Variants in HSDL2 observed in about 807,000 individuals in gnomAD.
The protein encoded by HSDL2 is hydroxysteroid dehydrogenase like 2.
In HSDL2, 27 loss-of-function variants were observed where a neutral mutation model predicts 46.3. The ratio of observed to expected loss-of-function variants is 0.58; its 90% CI spans 0.43 to 0.80. The LOEUF is 0.80. Among genes scored for constraint, HSDL2 ranks in the 30% least tolerant of loss-of-function variants. The pLI, the probability that HSDL2 is intolerant of heterozygous loss-of-function variation, is 0.00. For synonymous variants in HSDL2, 153 were observed against 163.6 expected, an observed-to-expected ratio of 0.94 and a Z score of 0.50; for missense variants, 451 against 502.7, an observed-to-expected ratio of 0.90 and a Z score of 0.98.
chr9:112,384,053 C>G (rs1178723038), intron 1 of HSDL2, among the ~76,000 whole-genome samples: 1 of 152,182 alleles, frequency 6.6e-6, no homozygotes, highest in Non-Finnish European at 1.5e-5. Flanking sequence ...TGTGGGAAAG[C>G]TAGTTCCCAC....
intron 1 of HSDL2, among the ~76,000 whole-genome samples, chr9:112,391,633 T>C (rs569924194): frequency 4.2e-4 from 64 of 152,116 alleles, no homozygotes; most frequent in African/African-American, 1.5e-3. Flanking sequence ...CAGCCAGGCT[T>C]GGTGGCTCAT....
At chr9:112,404,535 TA>T (rs112597809) in intron 2 of HSDL2, among the ~76,000 whole-genome samples, 2,051 of 144,018 alleles carry the variant, frequency 0.014, 20 homozygotes, top group African/African-American at 0.021. Flanking sequence ...CTCCATCTCT[TA>T]AAAAAAAAAA....
Position 112,470,509 on chromosome 9 carries a change from G to C in HSDL2, c.1222G>C (p.Glu408Gln). 1.2e-6 allele frequency: 2 copies of C among 1,610,084 alleles called. No homozygotes were observed. Among genetic ancestry groups the C allele is most frequent in the East Asian group, 2.2e-5 (1 of 44,688 alleles). ...KGNMALAIKL[E>Q]KLMNQMNARL is the part of the protein sequence containing the mutation. ...TAACATGGCCCTAGCAATCAAATTGGAGAAGCTAATGAATCAGATGAATGC... is the reference window on the plus strand; with the variant it reads ...TAACATGGCCCTAGCAATCAAATTGCAGAAGCTAATGAATCAGATGAATGC... The change falls in exon 11 of 11, where the codon GAG becomes CAG. Residue 408 changes from glutamate (E) to glutamine (Q), a missense_variant. Physicochemically the swap from Glu to Gln is conservative, Grantham distance 29. Coordinates refer to ENST00000398805, the MANE Select transcript of HSDL2 (RefSeq NM_032303.5).
intron 6 of HSDL2, among the ~76,000 whole-genome samples, chr9:112,432,351 T>G (rs1419509579): frequency 6.6e-6 from 1 of 152,240 alleles, no homozygotes; most frequent in Non-Finnish European, 1.5e-5. Context: ...TAATTATGGT[T>G]GTTCAGTGTC....
chr9:112,409,634 A>G (rs1587938542), intron 4 of HSDL2, among the ~76,000 whole-genome samples: 2 of 152,240 alleles, frequency 1.3e-5, no homozygotes, highest in Non-Finnish European at 2.9e-5. Context: ...GGAGATTGAG[A>G]CTGAGATGCA....
In HSDL2 at chr9:112,405,713, A is replaced by G; in HGVS notation, c.271A>G (p.Lys91Glu). 6.2e-7 allele frequency: 1 copy of G among 1,603,116 alleles called. No homozygotes were observed. Among genetic ancestry groups the G allele is most frequent in the Non-Finnish European group, 8.5e-7 (1 of 1,171,550 alleles). Residue 91 changes from lysine (K) to glutamate (E), a missense_variant, in exon 3 of 11, where the codon AAA becomes GAA. Transcript: ENST00000398805. ...TGCTGCAGTGGAGAAAGCCATCAAG[A>G]AATTTGGAGGTAATACCTTCATTCT... is the stretch of plus-strand genomic sequence containing the variant. ...ISAAVEKAIK[K>E]FGGIDILVNN...
chr9:112,416,998 T>A, intron 5 of HSDL2, 54 bp downstream of exon 5: 2 of 809,750 alleles, frequency 2.5e-6, no homozygotes, highest in Admixed American at 4.3e-5. Context: ...TTGTTTTGAA[T>A]TAAATCTGTG....
chr9:112,426,021 G>A (rs1204065985), intron 6 of HSDL2, among the ~76,000 whole-genome samples: 11 of 152,114 alleles, frequency 7.2e-5, no homozygotes, highest in South Asian at 4.1e-4. Flanking sequence ...CATTACAGGC[G>A]TGAGCTACTG....
chr9:112,470,416 C>A lies in HSDL2; in HGVS notation c.1145-16C>A. The A allele has an allele frequency of 1.3e-6, 2 of 1,534,810 alleles. No homozygotes were observed. Among genetic ancestry groups the A allele is most frequent in the Non-Finnish European group, 1.8e-6 (2 of 1,111,198 alleles). ...CACTAATGGTTGCTTTTCCCTCTCT[C>A]ATTTTCTCATTTTAGGGAAACTAAA... is the stretch of plus-strand genomic sequence containing the variant. On this transcript the variant is annotated splice_polypyrimidine_tract_variant and intron_variant, in intron 10 of 10. Coordinates refer to ENST00000398805, the MANE Select transcript of HSDL2 (RefSeq NM_032303.5).
chr9:112,411,210 C>T (rs1831857088), intron 4 of HSDL2, among the ~76,000 whole-genome samples: 1 of 152,166 alleles, frequency 6.6e-6, no homozygotes, highest in African/African-American at 2.4e-5. Flanking sequence ...TTTCTCATAA[C>T]CACATCTCTC....
Position 112,441,713 on chromosome 9 carries a change from C to A in HSDL2, c.808C>A (p.Pro270Thr). 1 of 1,612,552 alleles carries A rather than the reference C, an allele frequency of 6.2e-7. No homozygotes were observed. Among genetic ancestry groups the A allele is most frequent in the Non-Finnish European group, 8.5e-7 (1 of 1,178,866 alleles). ...CAATTTTTCAGGTCATCCTTTGCAACCAGATTTCTTCTTAGATGAATACCC... is the reference window on the plus strand; with the variant it reads ...CAATTTTTCAGGTCATCCTTTGCAAACAGATTTCTTCTTAGATGAATACCC... ...YAIKPGHPLQPDFFLDEYPEA... is the reference protein window; with the variant it reads ...YAIKPGHPLQTDFFLDEYPEA... The change falls in exon 8 of 11, where the codon CCA (proline) becomes ACA (threonine). Residue 270 changes from proline to threonine, a missense_variant. Physicochemically the swap from Pro to Thr is conservative, Grantham distance 38. Transcript: ENST00000398805.
rs1367425132 is a variant in HSDL2 at position 112,471,785 on chromosome 9, A to T, written c.*1241A>T. The stretch of plus-strand genomic sequence containing the variant: ...GTTGAGGGGAAGATAAACTTTTAAA[A>T]AGCTCTTATCTTTCATTTCAATCAG... On this transcript the variant is annotated 3_prime_UTR_variant, in exon 11 of 11. Coordinates refer to ENST00000398805, the MANE Select transcript of HSDL2 (RefSeq NM_032303.5). The T allele has an allele frequency of 6.6e-6, 1 of 152,164 alleles. No homozygotes were observed. The highest frequency in any genetic ancestry group is 2.4e-5 in the African/African-American group (1 of 41,442). The allele number at this position is 152,164 out of a possible 1,614,324, so 9.4% of individuals were successfully genotyped here.
At chr9:112,438,036 A>G (rs2132670100) in intron 6 of HSDL2, among the ~76,000 whole-genome samples, 1 of 152,202 alleles carries the variant, frequency 6.6e-6, no homozygotes, top group East Asian at 1.9e-4. Flanking sequence ...TCACAAGGTC[A>G]GGAGTTCGAG....
rs985365800 is a variant in HSDL2, at chr9:112,472,253, T to A, written c.*1709T>A. The A allele has an allele frequency of 6.6e-6, 1 of 152,222 alleles. No homozygotes were observed. The highest frequency in any genetic ancestry group is 2.1e-4 in the South Asian group (1 of 4,834). 9.4% of individuals were successfully genotyped at this position (152,222 alleles called of 1,614,324 possible). ...CCTGAAGTAACCTGATGTTAACCAATCTGCTGTGTCTACTATGCTGTTTCC... is the reference window on the plus strand; with the variant it reads ...CCTGAAGTAACCTGATGTTAACCAAACTGCTGTGTCTACTATGCTGTTTCC... On this transcript the variant is annotated 3_prime_UTR_variant, in exon 11 of 11. Transcript: ENST00000398805.
chr9:112,382,264 CA>C (rs1395632977), intron 1 of HSDL2, among the ~76,000 whole-genome samples: 1 of 151,834 alleles, frequency 6.6e-6, no homozygotes, highest in Non-Finnish European at 1.5e-5. Flanking sequence ...GAGTCTGTCT[CA>C]AAAAGAAAAA....
At chr9:112,430,673 G>A (rs1306023361) in intron 6 of HSDL2, among the ~76,000 whole-genome samples, 1 of 152,138 alleles carries the variant, frequency 6.6e-6, no homozygotes, top group Non-Finnish European at 1.5e-5. Flanking sequence ...GCCAGATTCT[G>A]ATATATTTTC....
At chr9:112,400,409 C>A (rs1488112631) in intron 1 of HSDL2, among the ~76,000 whole-genome samples, 1 of 152,190 alleles carries the variant, frequency 6.6e-6, no homozygotes, top group African/African-American at 2.4e-5. Context: ...GAGATCAAGA[C>A]CATCCTGGCC....
chr9:112,450,102 ATT>A (rs1250652709), intron 8 of HSDL2, among the ~76,000 whole-genome samples: 2 of 152,046 alleles, frequency 1.3e-5, no homozygotes, highest in East Asian at 3.9e-4. Flanking sequence ...ACTTTACTCA[ATT>A]TTGATAGCAT....
At chr9:112,451,391 A>G (rs2132688196) in intron 8 of HSDL2, among the ~76,000 whole-genome samples, 1 of 152,320 alleles carries the variant, frequency 6.6e-6, no homozygotes, top group East Asian at 1.9e-4. Flanking sequence ...AAGCATGGGG[A>G]ATACCTTTTT....
Sources: allele counts gnomAD v4.1 joint callset (sites outside exome capture counted in the v4.1 genomes callset), GRCh38; gene constraint gnomAD v4.1.1; transcripts MANE v1.5; gene names NCBI Gene and HGNC (gene_info 2026-07-23, HGNC 2026-07-21).